KAZN: variants seen among roughly 807,000 people sequenced by gnomAD.
The protein encoded by KAZN is kazrin.
A neutral mutation model predicts 87.4 loss-of-function variants in KAZN; 40 were observed. The ratio of observed to expected loss-of-function variants is 0.46; its 90% CI spans 0.36 to 0.60. The LOEUF is 0.60. Ranked by LOEUF, KAZN falls within the 20% of genes least tolerant of loss-of-function variation. The probability of loss-of-function intolerance (pLI) is 0.00; values close to 1 mark genes in which losing one functional copy is unlikely to be tolerated. For synonymous variants in KAZN, 466 were observed against 458.3 expected (o/e 1.02, Z -0.22); for missense variants, 898 against 1,073.9 (o/e 0.84, Z 2.29).
chr1:14,979,569 G>A (rs1326478908), intron 2 of KAZN, among the ~76,000 whole-genome samples: 1 of 152,106 alleles, frequency 6.6e-6, no homozygotes, highest in East Asian at 1.9e-4. Context: ...TCAAGCAGGT[G>A]GCTCAGAGAC....
intron 1 of KAZN, among the ~76,000 whole-genome samples, chr1:14,119,744 T>C (rs1002194501): frequency 6.6e-6 from 1 of 152,154 alleles, no homozygotes; most frequent in Non-Finnish European, 1.5e-5. Flanking sequence ...CTTGGGAAGA[T>C]ATAAAGGACT....
intron 2 of KAZN, among the ~76,000 whole-genome samples, chr1:14,555,777 C>T (rs889693951): frequency 6.6e-6 from 1 of 152,216 alleles, no homozygotes; most frequent in African/African-American, 2.4e-5. Context: ...CAAGATCAGA[C>T]ACAGATTAAG....
At chr1:14,699,617 G>A (rs1419170267) in intron 1 of KAZN, among the ~76,000 whole-genome samples, 2 of 152,180 alleles carry the variant, frequency 1.3e-5, no homozygotes, top group Non-Finnish European at 2.9e-5. Context: ...GAAAGAGAGC[G>A]ATGAGGAGCA....
chr1:15,029,495 G>A (rs1022212311), intron 2 of KAZN, among the ~76,000 whole-genome samples: 1 of 152,164 alleles, frequency 6.6e-6, no homozygotes, highest in Non-Finnish European at 1.5e-5. Context: ...CGTTGCACAC[G>A]CAAAGCCAGG....
At chr1:14,579,085 C>T (rs889161109) in intron 2 of KAZN, among the ~76,000 whole-genome samples, 1 of 152,116 alleles carries the variant, frequency 6.6e-6, no homozygotes, top group Non-Finnish European at 1.5e-5. Flanking sequence ...AGAAGAGAAA[C>T]GTAGCACTCC....
intron 1 of KAZN, among the ~76,000 whole-genome samples, chr1:14,808,290 C>CTTTTTTTTTTTTTTTTTTTTTTTTTT (rs57548450): frequency 1.1e-5 from 1 of 88,096 alleles, no homozygotes; most frequent in Non-Finnish European, 2.2e-5. Context: ...AAAGAGGTTT[C>CTTTTTTTTTTTTTTTTTTTTTTTTTT]TTTTTTTTTT....
chr1:14,760,528 C>T (rs1644710603), intron 1 of KAZN, among the ~76,000 whole-genome samples: 1 of 152,216 alleles, frequency 6.6e-6, no homozygotes, highest in Admixed American at 6.5e-5. Flanking sequence ...GGCAATCCAG[C>T]AGCCTCCTCT....
rs144151510 is a variant in KAZN at position 14,256,618 on chromosome 1, T to C, written c.249+76026T>C. ...AGAGGAAATTGCATTGGCTTTCCAG[T>C]TGGGTCTTCTCGGAGCCCATCCCTT... is the stretch of plus-strand genomic sequence containing the variant. On this transcript the variant is annotated intron_variant, in intron 2 of 16. Transcript: ENST00000636203. Among the ~76,000 whole-genome samples, 1,045 of 152,260 alleles carry C rather than the reference T, an allele frequency of 6.9e-3. 5 individuals are homozygous for C. The highest frequency in any genetic ancestry group is 0.014 in the Middle Eastern group (4 of 294).
At chr1:14,221,849 C>T (rs1647106846) in intron 2 of KAZN, 1 of 152,130 alleles carries the variant, frequency 6.6e-6, no homozygotes, top group Admixed American at 6.5e-5. Flanking sequence ...GGTGAAACAT[C>T]TCATTTTAGT....
At chr1:14,836,725 T>C (rs916954107) in intron 1 of KAZN, among the ~76,000 whole-genome samples, 4 of 152,138 alleles carry the variant, frequency 2.6e-5, no homozygotes, top group African/African-American at 9.7e-5. Context: ...GGGAGGGAAA[T>C]GGAGAGGGGG....
chr1:14,436,123 G>A (rs949021753), intron 2 of KAZN, among the ~76,000 whole-genome samples: 6 of 151,890 alleles, frequency 4.0e-5, no homozygotes, highest in Non-Finnish European at 7.4e-5. Flanking sequence ...CAGCTACTTG[G>A]GAGGCTGAGG....
chr1:14,261,479 CA>C (rs1651010033), intron 2 of KAZN, among the ~76,000 whole-genome samples: 1 of 152,166 alleles, frequency 6.6e-6, no homozygotes, highest in Non-Finnish European at 1.5e-5. Flanking sequence ...GATTTCTGAT[CA>C]TGAGTGTGTT....
chr1:14,549,137 T>G (rs962821534), intron 2 of KAZN, among the ~76,000 whole-genome samples: 9 of 152,328 alleles, frequency 5.9e-5, no homozygotes, highest in Non-Finnish European at 1.3e-4. Context: ...TAATAATTTT[T>G]CGGTAGAGTC....
chr1:14,503,072 G>A (rs993450259), intron 2 of KAZN, among the ~76,000 whole-genome samples: 6 of 152,042 alleles, frequency 3.9e-5, no homozygotes, highest in African/African-American at 1.4e-4. Context: ...CAGGTAGGTG[G>A]AATATGGGCG....
At chr1:14,569,677 G>C (rs1428472289) in intron 2 of KAZN, among the ~76,000 whole-genome samples, 1 of 151,964 alleles carries the variant, frequency 6.6e-6, no homozygotes, top group Non-Finnish European at 1.5e-5. Flanking sequence ...CAACCAGTTT[G>C]GGAAAATTTC....
chr1:14,284,232 ATAC>A (rs1251433793), intron 2 of KAZN, among the ~76,000 whole-genome samples: 1 of 152,188 alleles, frequency 6.6e-6, no homozygotes, highest in African/African-American at 2.4e-5. Context: ...ATCTGTAAAT[ATAC>A]TAAAAATATT....
intron 2 of KAZN, among the ~76,000 whole-genome samples, chr1:14,357,619 G>A (rs1015944621): frequency 1.3e-5 from 2 of 152,184 alleles, no homozygotes; most frequent in African/African-American, 2.4e-5. Flanking sequence ...TTTATTGAGA[G>A]TTTTTAGCAC....
At chr1:14,883,550 T>C (rs1653719032) in intron 1 of KAZN, among the ~76,000 whole-genome samples, 1 of 147,896 alleles carries the variant, frequency 6.8e-6, no homozygotes, top group Admixed American at 6.6e-5. Flanking sequence ...AGCATTATCT[T>C]CACACGCTCC....
At chr1:14,745,448 C>T (rs779027358) in intron 1 of KAZN, among the ~76,000 whole-genome samples, 2 of 152,052 alleles carry the variant, frequency 1.3e-5, no homozygotes, top group Admixed American at 6.5e-5. Flanking sequence ...TAATTAGCAC[C>T]GTGAGAATGG....
Sources: allele counts gnomAD v4.1 joint callset (sites outside exome capture counted in the v4.1 genomes callset), GRCh38; gene constraint gnomAD v4.1.1; transcripts MANE v1.5; gene names NCBI Gene and HGNC (gene_info 2026-07-23, HGNC 2026-07-21).